ADAMTSL1: variants seen among roughly 807,000 people sequenced by gnomAD.
ADAMTSL1 encodes the protein ADAMTS like 1.
A neutral mutation model predicts 201.8 loss-of-function variants in ADAMTSL1; 126 were observed. The observed-to-expected ratio is 0.62, with a 90% CI of 0.54 to 0.72. The LOEUF (loss-of-function observed/expected upper bound fraction) is 0.72. Among genes scored for constraint, ADAMTSL1 ranks in the 30% least tolerant of loss-of-function variants. ADAMTSL1 has a pLI of 0.00. For synonymous variants in ADAMTSL1, 1,121 were observed against 903.4 expected, an observed-to-expected ratio of 1.24 and a Z score of -4.32; for missense variants, 2,679 against 2,277.8, an observed-to-expected ratio of 1.18 and a Z score of -3.59.
intron 2 of ADAMTSL1, among the ~76,000 whole-genome samples, chr9:18,301,824 T>C (rs1399317842): frequency 2.0e-5 from 3 of 152,182 alleles, no homozygotes. Context: ...CCAGAGTCTG[T>C]TGTCTTTATT....
chr9:18,752,660 G>A (rs760878599), intron 15 of ADAMTSL1, among the ~76,000 whole-genome samples: 1 of 152,176 alleles, frequency 6.6e-6, no homozygotes, highest in Non-Finnish European at 1.5e-5. Flanking sequence ...GCGTATTTGA[G>A]TGCTACATCC....
intron 1 of ADAMTSL1, among the ~76,000 whole-genome samples, chr9:18,052,137 C>A (rs1821966814): frequency 1.3e-5 from 2 of 152,216 alleles, no homozygotes. Context: ...AAATCATTGT[C>A]ATACTTCTAT....
intron 2 of ADAMTSL1, among the ~76,000 whole-genome samples, chr9:18,514,690 G>A (rs954199590): frequency 6.6e-6 from 1 of 152,136 alleles, no homozygotes; most frequent in African/African-American, 2.4e-5. Context: ...TTAGTCTTTC[G>A]TGAAGTATTT....
At chr9:18,120,645 T>C (rs935898693) in intron 1 of ADAMTSL1, among the ~76,000 whole-genome samples, 13 of 152,208 alleles carry the variant, frequency 8.5e-5, no homozygotes, top group African/African-American at 2.4e-4. Flanking sequence ...ATTTCATGTG[T>C]GTACACACAC....
At chr9:18,858,208 T>C (rs1167219873) in intron 23 of ADAMTSL1, among the ~76,000 whole-genome samples, 1 of 152,188 alleles carries the variant, frequency 6.6e-6, no homozygotes, top group South Asian at 2.1e-4. Flanking sequence ...CTTCCATATT[T>C]GTAATTCTCT....
intron 1 of ADAMTSL1, among the ~76,000 whole-genome samples, chr9:17,918,801 C>G (rs904705445): frequency 5.3e-5 from 8 of 151,832 alleles, no homozygotes; most frequent in Admixed American, 1.3e-4. Context: ...CCACTGTAGA[C>G]TTGTCTATTT....
At chr9:18,308,699 C>G (rs1834002638) in intron 2 of ADAMTSL1, among the ~76,000 whole-genome samples, 1 of 152,070 alleles carries the variant, frequency 6.6e-6, no homozygotes, top group African/African-American at 2.4e-5. Context: ...AATTAATAGC[C>G]TACCAACCAA....
At chr9:18,193,164 G>A (rs1054907194) in intron 2 of ADAMTSL1, among the ~76,000 whole-genome samples, 1 of 152,064 alleles carries the variant, frequency 6.6e-6, no homozygotes, top group African/African-American at 2.4e-5. Context: ...CTCATCCCCA[G>A]CAGATTCAAA....
intron 3 of ADAMTSL1, among the ~76,000 whole-genome samples, chr9:18,570,668 A>G (rs1822238704): frequency 6.6e-6 from 1 of 152,226 alleles, no homozygotes; most frequent in Non-Finnish European, 1.5e-5. Context: ...TTCTTAAAAC[A>G]GGAAGTTGCA....
chr9:18,541,427 G>A (rs766975217), intron 3 of ADAMTSL1, among the ~76,000 whole-genome samples: 10 of 151,902 alleles, frequency 6.6e-5, no homozygotes, highest in South Asian at 4.2e-4. Flanking sequence ...GGAGAATCGC[G>A]TGAAACCAGG....
At chr9:18,535,821 C>T (rs1225409054) in intron 3 of ADAMTSL1, among the ~76,000 whole-genome samples, 1 of 152,152 alleles carries the variant, frequency 6.6e-6, no homozygotes, top group Non-Finnish European at 1.5e-5. Context: ...CTTGTGAGAA[C>T]TTACTATCAT....
chr9:18,417,367 G>GAAAAAAAAAAAAAAGAAA (rs1818727144), intron 2 of ADAMTSL1, among the ~76,000 whole-genome samples: 1 of 64,688 alleles, frequency 1.5e-5, no homozygotes, highest in African/African-American at 6.3e-5. Flanking sequence ...AAGTAAGCAG[G>GAAAAAAAAAAAAAAGAAA]AAAAAAAAAA....
At chr9:17,994,202 T>A (rs1333811620) in intron 1 of ADAMTSL1, among the ~76,000 whole-genome samples, 4 of 152,120 alleles carry the variant, frequency 2.6e-5, no homozygotes, top group Non-Finnish European at 5.9e-5. Flanking sequence ...GAACAGTCAT[T>A]CTGGCCAATG....
intron 3 of ADAMTSL1, among the ~76,000 whole-genome samples, chr9:18,566,048 A>T (rs1475270078): frequency 6.6e-6 from 1 of 152,216 alleles, no homozygotes. Context: ...GGAGAAGGAA[A>T]TATCAGTCTG....
intron 2 of ADAMTSL1, among the ~76,000 whole-genome samples, chr9:18,174,069 G>C (rs1020733088): frequency 6.6e-6 from 1 of 152,026 alleles, no homozygotes; most frequent in Admixed American, 6.6e-5. Context: ...GCTTAACTTC[G>C]GAACTGTCTT....
chr9:18,886,253 TACAC>T (rs1182355969), intron 23 of ADAMTSL1, among the ~76,000 whole-genome samples: 20 of 140,492 alleles, frequency 1.4e-4, no homozygotes, highest in Admixed American at 8.8e-4. Flanking sequence ...TATACATACA[TACAC>T]ACACACAGAA....
chr9:18,064,953 GATTTTTTTTT>G (rs1822627165), intron 1 of ADAMTSL1, among the ~76,000 whole-genome samples: 1 of 84,690 alleles, frequency 1.2e-5, no homozygotes, highest in Non-Finnish European at 2.2e-5. Flanking sequence ...ATTTGCTAAA[GATTTTTTTTT>G]TTTTTTTTTT....
chr9:18,037,269 G>A (rs59741241), intron 1 of ADAMTSL1, among the ~76,000 whole-genome samples: 4,076 of 152,182 alleles, frequency 0.027, 79 homozygotes, highest in African/African-American at 0.063. Flanking sequence ...CTTGCATGTC[G>A]TATATTTGGT....
At chr9:18,330,746 T>C (rs1235299284) in intron 2 of ADAMTSL1, among the ~76,000 whole-genome samples, 1 of 152,206 alleles carries the variant, frequency 6.6e-6, no homozygotes, top group Non-Finnish European at 1.5e-5. Flanking sequence ...ATATGAGTTA[T>C]AAAGAAATAC....
Sources: gnomAD v4.1 joint callset for allele counts (sites outside exome capture counted in the v4.1 genomes callset) on GRCh38, gnomAD v4.1.1 for gene constraint, MANE v1.5 for transcripts, NCBI Gene and HGNC (gene_info 2026-07-23, HGNC 2026-07-21) for gene names.